CNTRL: variants seen among roughly 807,000 people sequenced by gnomAD.
The protein encoded by CNTRL is centriolin.
A neutral mutation model predicts 303.7 loss-of-function variants in CNTRL; 233 were observed. The observed-to-expected ratio is 0.77, with a 90% CI of 0.69 to 0.86. The LOEUF is 0.86. Ranked by LOEUF, CNTRL falls within the 40% of genes least tolerant of loss-of-function variation. The pLI, the probability that CNTRL is intolerant of heterozygous loss-of-function variation, is 0.00. For missense variants in CNTRL, 2,524 were observed against 2,650.6 expected (o/e 0.95, Z 1.05); for synonymous variants, 900 against 922.2 (o/e 0.98, Z 0.44).
intron 38 of CNTRL, 112 bp downstream of exon 38, chr9:121,168,433 G>A: frequency 1.2e-6 from 1 of 842,830 alleles, no homozygotes; most frequent in Non-Finnish European, 1.9e-6. Flanking sequence ...AGGAGAGGAG[G>A]CAGGAGAAGT....
rs115780234 is a variant in CNTRL, at chr9:121,139,062, G to A, written c.2337+383G>A. Among the ~76,000 whole-genome samples, 1,105 of 152,184 alleles carry A rather than the reference G, an allele frequency of 7.3e-3. 12 individuals carry two copies. Among genetic ancestry groups the A allele is most frequent in the African/African-American group, 0.025 (1,042 of 41,514 alleles). ...CTGAAATGTCTTTGTAATTATCCAG[G>A]AATTTAACTAGAGTGAGTTGCAGTG... On this transcript the variant is annotated intron_variant, in intron 16 of 43. Coordinates refer to ENST00000373855, the MANE Select transcript of CNTRL (RefSeq NM_007018.6).
intron 9 of CNTRL, among the ~76,000 whole-genome samples, chr9:121,113,279 T>G (rs563778546): frequency 6.6e-6 from 1 of 152,296 alleles, no homozygotes; most frequent in South Asian, 2.1e-4. Flanking sequence ...TCTTCTGTGG[T>G]AAGAGGAAGA....
rs1181138318 is a variant in CNTRL, at chr9:121,140,751, A to G, written c.2448A>G (p.Leu816=). Residue 816 remains leucine, a synonymous_variant, in exon 17 of 44, where the codon CTA becomes CTG. Transcript: ENST00000373855. ...PEEVAARVDE[L]RRKLKLGTGE... is the part of the protein sequence containing the mutation. The stretch of plus-strand genomic sequence containing the variant: ...AAGTGGCAGCTCGTGTGGATGAGCT[A>G]AGAAGAAAACTGAAATTAGGAACTG... 1 of 1,613,112 alleles carries G rather than the reference A, an allele frequency of 6.2e-7. No individual in the cohort carries two copies. Among genetic ancestry groups the G allele is most frequent in the Middle Eastern group, 1.7e-4 (1 of 6,052 alleles).
chr9:121,108,055 CT>C (rs2133005994), intron 8 of CNTRL, 60 bp downstream of exon 8: 1 of 1,206,760 alleles, frequency 8.3e-7, no homozygotes, highest in African/African-American at 1.6e-5. Context: ...ATTCTTTGCC[CT>C]TGGGTCTAAA....
intron 32 of CNTRL, chr9:121,161,262 CT>C (rs748041133): frequency 8.1e-4 from 353 of 436,744 alleles, no homozygotes; most frequent in South Asian, 4.6e-3. Context: ...TTCTCTTATG[CT>C]TTTTTTTTGT....
In CNTRL at chr9:121,123,874, T is replaced by TA. The variant is rs1193262437; in HGVS notation, c.1651-56dup. ...CTTTAAAAATGTTGTTAAGGGTTAT[T>TA]ACTTTTAAAGGAGTTTAAGGAACTT... is the stretch of plus-strand genomic sequence containing the variant. On this transcript the variant is annotated intron_variant, in intron 12 of 43. Transcript: ENST00000373855. The TA allele has an allele frequency of 1.8e-5, 24 of 1,327,920 alleles. No homozygotes were observed. The Middle Eastern group carries it at 2.2e-3, about 122-fold the overall frequency. 82.3% of individuals were successfully genotyped at this position (1,327,920 alleles called of 1,614,324 possible).
At chr9:121,133,087 A>G (rs2050963395) in intron 14 of CNTRL, among the ~76,000 whole-genome samples, 1 of 152,208 alleles carries the variant, frequency 6.6e-6, no homozygotes, top group Non-Finnish European at 1.5e-5. Context: ...GTTAGGCTAC[A>G]CGGGGGTCAG....
At chr9:121,160,421 G>A (rs1354227111) in intron 32 of CNTRL, 119 bp downstream of exon 32, 17 of 615,378 alleles carry the variant, frequency 2.8e-5, no homozygotes, top group South Asian at 4.0e-5. Context: ...CTGCTAATAA[G>A]CAAAGCAAGC....
chr9:121,129,936 T>G (rs1164322069), intron 14 of CNTRL, among the ~76,000 whole-genome samples: 1 of 152,184 alleles, frequency 6.6e-6, no homozygotes, highest in African/African-American at 2.4e-5. Flanking sequence ...TGGATTATGT[T>G]TATTGATTTG....
intron 30 of CNTRL, 79 bp from the exon 31 acceptor site, chr9:121,158,776 A>C: frequency 7.4e-7 from 1 of 1,355,450 alleles, no homozygotes. Flanking sequence ...ATTTTACCTC[A>C]CAACTAAATT....
chr9:121,112,466 A>T lies in CNTRL; in HGVS notation c.1010A>T (p.Gln337Leu). Residue 337 changes from glutamine (Q) to leucine (L), a missense_variant, in exon 9 of 44, where the codon CAG becomes CTG. Coordinates refer to ENST00000373855, the MANE Select transcript of CNTRL (RefSeq NM_007018.6). ...ATCAAATTGGGCCAATAGCTAAAACAGAAGACCATAGAATTAACACGAGCA... is the reference window on the plus strand; with the variant it reads ...ATCAAATTGGGCCAATAGCTAAAACTGAAGACCATAGAATTAACACGAGCA... ...DLNTKNELLK[Q>L]KTIELTRACQ... The T allele has an allele frequency of 6.2e-7, 1 of 1,612,914 alleles. No homozygotes were observed. The highest frequency in any genetic ancestry group is 8.5e-7 in the Non-Finnish European group (1 of 1,179,218).
intron 12 of CNTRL, chr9:121,122,413 T>C (rs775096064): frequency 1.1e-4 from 110 of 984,980 alleles, no homozygotes; most frequent in Non-Finnish European, 1.2e-4. Flanking sequence ...AGACGTTTCT[T>C]TCTTGTATTT....
At chr9:121,130,541 C>T (rs1261768058) in intron 14 of CNTRL, among the ~76,000 whole-genome samples, 3 of 152,082 alleles carry the variant, frequency 2.0e-5, no homozygotes, top group African/African-American at 7.2e-5. Context: ...GTTAGTCTTG[C>T]TAGCGGTCTA....
At chr9:121,083,173 C>T (rs1234029224) in intron 2 of CNTRL, among the ~76,000 whole-genome samples, 1 of 152,046 alleles carries the variant, frequency 6.6e-6, no homozygotes, top group African/African-American at 2.4e-5. Context: ...ACTTAGGCTA[C>T]ACTAAATTTA....
intron 8 of CNTRL, among the ~76,000 whole-genome samples, chr9:121,110,759 AT>A (rs1295428496): frequency 6.6e-6 from 1 of 151,814 alleles, no homozygotes; most frequent in African/African-American, 2.4e-5. Flanking sequence ...GGAAAGAATT[AT>A]TTTTCTGATT....
chr9:121,138,786 G>A, intron 16 of CNTRL, 107 bp downstream of exon 16: 1 of 1,112,802 alleles, frequency 9.0e-7, no homozygotes, highest in Non-Finnish European at 1.3e-6. Context: ...TAAGCAATTT[G>A]AATTACTAGA....
rs1564290153 is a variant in CNTRL, at chr9:121,158,835, T to G, written c.4765-20T>G. The G allele has an allele frequency of 6.2e-7, 1 of 1,612,252 alleles. No individual in the cohort carries two copies. Among genetic ancestry groups the G allele is most frequent in the African/African-American group, 1.3e-5 (1 of 74,964 alleles). On this transcript the variant is annotated intron_variant, in intron 30 of 43. Coordinates refer to ENST00000373855, the MANE Select transcript of CNTRL (RefSeq NM_007018.6). ...TGTATGGCCTTTGTCAAACTTACTC[T>G]TCCCTTTTCTTTAATACAGGTGACA...
chr9:121,175,324 T>A (rs1331576701), intron 43 of CNTRL, 100 bp downstream of exon 43: 23 of 978,488 alleles, frequency 2.4e-5, no homozygotes, highest in Non-Finnish European at 3.6e-5. Flanking sequence ...TGGAGTGCAT[T>A]GGTACCATCA....
chr9:121,157,714 G>T (rs1292550782), intron 28 of CNTRL, 26 bp from the exon 29 acceptor site: 3 of 1,611,482 alleles, frequency 1.9e-6, no homozygotes, highest in African/African-American at 2.7e-5. Flanking sequence ...TACAGGACCT[G>T]GGGGGAATAA....
Sources: allele counts gnomAD v4.1 joint callset (sites outside exome capture counted in the v4.1 genomes callset), GRCh38; gene constraint gnomAD v4.1.1; transcripts MANE v1.5; gene names NCBI Gene and HGNC (gene_info 2026-07-23, HGNC 2026-07-21).